CNTNAP2: variants seen among roughly 807,000 people sequenced by gnomAD.
CNTNAP2 encodes contactin associated protein 2.
In CNTNAP2, 98 loss-of-function variants were observed where a neutral mutation model predicts 155.2. The ratio of observed to expected loss-of-function variants is 0.63; its 90% CI spans 0.54 to 0.75. CNTNAP2 has a LOEUF of 0.75. CNTNAP2 is among the 30% of genes least tolerant of loss of function. The probability of loss-of-function intolerance (pLI) is 0.00; values close to 1 mark genes in which losing one functional copy is unlikely to be tolerated. For synonymous variants in CNTNAP2, 651 were observed against 631.2 expected (o/e 1.03, Z -0.47); for missense variants, 1,727 against 1,688.1 (o/e 1.02, Z -0.40).
intron 3 of CNTNAP2, among the ~76,000 whole-genome samples, chr7:146,990,085 A>AT (rs1444360571): frequency 6.6e-6 from 1 of 152,046 alleles, no homozygotes; most frequent in African/African-American, 2.4e-5. Context: ...AAAAATAAAA[A>AT]AAAAGGGGTT....
chr7:147,993,946 G>A (rs190485769), intron 15 of CNTNAP2, among the ~76,000 whole-genome samples: 116 of 152,042 alleles, frequency 7.6e-4, no homozygotes, highest in Non-Finnish European at 1.3e-3. Context: ...ACTTACTTTC[G>A]GAATAAAGTA....
At chr7:147,151,110 C>T (rs1801815774) in intron 8 of CNTNAP2, among the ~76,000 whole-genome samples, 2 of 152,150 alleles carry the variant, frequency 1.3e-5, no homozygotes. Flanking sequence ...AAAGGTCACA[C>T]AAATTCTCAT....
intron 1 of CNTNAP2, among the ~76,000 whole-genome samples, chr7:146,431,939 C>T (rs1432731697): frequency 6.6e-6 from 1 of 152,088 alleles, no homozygotes; most frequent in Non-Finnish European, 1.5e-5. Flanking sequence ...TGTTTGCTCT[C>T]TCTTTGAGAT....
chr7:146,493,069 T>C (rs1336852190), intron 1 of CNTNAP2, among the ~76,000 whole-genome samples: 1 of 152,178 alleles, frequency 6.6e-6, no homozygotes, highest in East Asian at 1.9e-4. Context: ...CCCTTGGAAA[T>C]AAAGTAGTAA....
intron 8 of CNTNAP2, among the ~76,000 whole-genome samples, chr7:147,226,235 T>C (rs1054620999): frequency 7.9e-5 from 12 of 152,170 alleles, no homozygotes; most frequent in Non-Finnish European, 1.3e-4. Flanking sequence ...ATTGTCACCA[T>C]AGGCCCTCAA....
chr7:147,041,672 A>G (rs902752773), intron 3 of CNTNAP2, among the ~76,000 whole-genome samples: 1 of 152,230 alleles, frequency 6.6e-6, no homozygotes, highest in Admixed American at 6.5e-5. Flanking sequence ...GCCTTTTGCA[A>G]TATCTTTTTA....
intron 8 of CNTNAP2, among the ~76,000 whole-genome samples, chr7:147,216,346 G>T (rs1310017533): frequency 6.6e-6 from 1 of 151,922 alleles, no homozygotes; most frequent in Non-Finnish European, 1.5e-5. Context: ...TCCACTTTGA[G>T]TTAATTTTTG....
At chr7:148,318,405 T>G (rs1017640752) in intron 21 of CNTNAP2, among the ~76,000 whole-genome samples, 2 of 152,184 alleles carry the variant, frequency 1.3e-5, no homozygotes, top group African/African-American at 4.8e-5. Flanking sequence ...CGTGTGTGAT[T>G]TTTTTGCCTA....
intron 13 of CNTNAP2, among the ~76,000 whole-genome samples, chr7:147,654,124 G>A (rs756686437): frequency 1.3e-4 from 20 of 152,216 alleles, no homozygotes; most frequent in African/African-American, 3.1e-4. Flanking sequence ...AACCAAAGCC[G>A]AGAAAAAGTG....
At chr7:146,156,899 G>A (rs1798135027) in intron 1 of CNTNAP2, among the ~76,000 whole-genome samples, 1 of 152,148 alleles carries the variant, frequency 6.6e-6, no homozygotes, top group African/African-American at 2.4e-5. Context: ...ACTGCGCCCA[G>A]CTGCTTTACA....
intron 12 of CNTNAP2, among the ~76,000 whole-genome samples, chr7:147,603,678 A>T (rs1801002534): frequency 6.6e-6 from 1 of 152,192 alleles, no homozygotes; most frequent in Admixed American, 6.5e-5. Context: ...TGCCATCCCC[A>T]TCAAGCTACC....
At chr7:146,968,728 T>C (rs1797714352) in intron 3 of CNTNAP2, among the ~76,000 whole-genome samples, 1 of 151,938 alleles carries the variant, frequency 6.6e-6, no homozygotes, top group Non-Finnish European at 1.5e-5. Context: ...TTGCTAGCAG[T>C]CTATCAATTT....
chr7:147,090,168 G>A (rs570609300), intron 4 of CNTNAP2, among the ~76,000 whole-genome samples: 1 of 152,238 alleles, frequency 6.6e-6, no homozygotes, highest in Admixed American at 6.5e-5. Context: ...ATATGGCCCT[G>A]TTCTCCTTCC....
chr7:146,730,635 C>CAT (rs1435949978), intron 1 of CNTNAP2, among the ~76,000 whole-genome samples: 3 of 152,092 alleles, frequency 2.0e-5, no homozygotes, highest in Non-Finnish European at 2.9e-5. Context: ...CTGACCGCAA[C>CAT]ATATATATAC....
chr7:146,736,738 TAATC>T (rs1219078938), intron 1 of CNTNAP2, among the ~76,000 whole-genome samples: 1 of 152,036 alleles, frequency 6.6e-6, no homozygotes, highest in Non-Finnish European at 1.5e-5. Context: ...GACAGAAAAA[TAATC>T]AAATGCTTCA....
At chr7:146,804,739 A>C (rs111548496) in intron 2 of CNTNAP2, among the ~76,000 whole-genome samples, 77 of 152,318 alleles carry the variant, frequency 5.1e-4, no homozygotes, top group African/African-American at 1.8e-3. Context: ...TTTTAGAAAG[A>C]GGTTTAATTA....
intron 8 of CNTNAP2, among the ~76,000 whole-genome samples, chr7:147,165,316 C>G (rs1413342661): frequency 1.3e-5 from 2 of 152,014 alleles, no homozygotes; most frequent in Non-Finnish European, 2.9e-5. Context: ...ATTGTCTCTT[C>G]ATGTCCTTAT....
In CNTNAP2 at chr7:147,580,639, G is replaced by A. The variant is rs150930965; in HGVS notation, c.1897+18382G>A. Among the ~76,000 whole-genome samples the A allele has an allele frequency of 9.2e-3, 1,384 of 149,636 alleles. 59 individuals are homozygous for A. In the East Asian group the frequency reaches 0.12, roughly 13 times the overall value. On this transcript the variant is annotated intron_variant, in intron 12 of 23. Coordinates refer to ENST00000361727, the MANE Select transcript of CNTNAP2 (RefSeq NM_014141.6). ...TTATCATTTTTTTTTTTTTTGAGAC[G>A]GAATCTTGCTCTGTTGCCCAGGCTG... is the stretch of plus-strand genomic sequence containing the variant.
At chr7:147,722,358 C>G (rs1043257137) in intron 13 of CNTNAP2, among the ~76,000 whole-genome samples, 2 of 152,064 alleles carry the variant, frequency 1.3e-5, no homozygotes, top group Non-Finnish European at 2.9e-5. Context: ...CATTGTTGAG[C>G]GTGGTTTACT....
Sources: gnomAD v4.1 joint callset for allele counts (sites outside exome capture counted in the v4.1 genomes callset) on GRCh38, gnomAD v4.1.1 for gene constraint, MANE v1.5 for transcripts, NCBI Gene and HGNC (gene_info 2026-07-23, HGNC 2026-07-21) for gene names.